Variants in KLHL29 observed in about 807,000 individuals in gnomAD.
KLHL29 encodes kelch-like protein 29.
KLHL29 carries 21 observed loss-of-function variants against 80.4 expected under a neutral mutation model. The observed-to-expected ratio is 0.26, with a 90% confidence interval of 0.19 to 0.38. The LOEUF (loss-of-function observed/expected upper bound fraction) is 0.38, where lower values mean the gene tolerates loss of function less well. Ranked by LOEUF, KLHL29 falls within the 10% of genes least tolerant of loss-of-function variation. The pLI, the probability that KLHL29 is intolerant of heterozygous loss-of-function variation, is 1.00. For synonymous variants in KLHL29, 511 were observed against 526.8 expected (o/e 0.97, Z 0.41); for missense variants, 867 against 1,223.9 (o/e 0.71, Z 4.35).
chr2:23,575,453 C>G (rs1413144963), intron 3 of KLHL29, among the ~76,000 whole-genome samples: 1 of 152,192 alleles, frequency 6.6e-6, no homozygotes, highest in Admixed American at 6.5e-5. Flanking sequence ...CTTGGGGTTG[C>G]TGCCAGCATC....
chr2:23,641,710 G>A (rs815356), intron 4 of KLHL29, among the ~76,000 whole-genome samples: 66,546 of 152,072 alleles, frequency 0.44, 14,855 homozygotes, highest in Middle Eastern at 0.54. Context: ...GAGGTCAGGC[G>A]TGGTGGCTCA....
intron 2 of KLHL29, among the ~76,000 whole-genome samples, chr2:23,533,831 C>G (rs937941957): frequency 2.0e-4 from 31 of 152,166 alleles, no homozygotes; most frequent in African/African-American, 7.5e-4. Context: ...TTTGTGAACC[C>G]GGTTTGGGCT....
intron 1 of KLHL29, among the ~76,000 whole-genome samples, chr2:23,414,248 TC>T (rs975515045): frequency 1.3e-5 from 2 of 152,126 alleles, no homozygotes; most frequent in Non-Finnish European, 2.9e-5. Context: ...GTGCAAAGCT[TC>T]CTGTGAGCTG....
At chr2:23,651,639 G>C (rs968218061) in intron 5 of KLHL29, among the ~76,000 whole-genome samples, 17 of 152,146 alleles carry the variant, frequency 1.1e-4, no homozygotes, top group Admixed American at 9.2e-4. Flanking sequence ...GCATCACACT[G>C]TAGATATTCT....
chr2:23,433,132 G>T (rs1663232239), intron 1 of KLHL29, among the ~76,000 whole-genome samples: 1 of 152,234 alleles, frequency 6.6e-6, no homozygotes, highest in East Asian at 1.9e-4. Flanking sequence ...GAGCACCCTT[G>T]GGTCAGCGAG....
chr2:23,466,002 T>C (rs1664341642), intron 1 of KLHL29, among the ~76,000 whole-genome samples: 1 of 151,768 alleles, frequency 6.6e-6, no homozygotes, highest in Non-Finnish European at 1.5e-5. Flanking sequence ...TTCATCTCAG[T>C]CCTCAGTCTG....
intron 2 of KLHL29, among the ~76,000 whole-genome samples, chr2:23,558,131 A>C (rs1242832489): frequency 6.6e-6 from 1 of 152,182 alleles, no homozygotes; most frequent in Non-Finnish European, 1.5e-5. Context: ...CAGGAGCCCA[A>C]CTTAACTGCA....
chr2:23,468,543 G>GC (rs1033492633), intron 1 of KLHL29, among the ~76,000 whole-genome samples: 34 of 152,104 alleles, frequency 2.2e-4, no homozygotes, highest in Non-Finnish European at 3.8e-4. Flanking sequence ...AAGAGACACC[G>GC]CCCCCCTCCC....
At chr2:23,514,696 A>G (rs1410647334) in intron 2 of KLHL29, among the ~76,000 whole-genome samples, 5 of 152,168 alleles carry the variant, frequency 3.3e-5, no homozygotes, top group Non-Finnish European at 7.3e-5. Flanking sequence ...CACCGTTAGG[A>G]AGAAGGTCAG....
At chr2:23,676,774 G>T (rs1449397841) in intron 5 of KLHL29, among the ~76,000 whole-genome samples, 7 of 152,226 alleles carry the variant, frequency 4.6e-5, no homozygotes, top group Non-Finnish European at 1.0e-4. Context: ...AGAGTTGGGG[G>T]ATGCGTGGAA....
intron 2 of KLHL29, among the ~76,000 whole-genome samples, chr2:23,536,890 T>A (rs4665605): frequency 9.8e-5 from 14 of 143,222 alleles, no homozygotes; most frequent in East Asian, 2.2e-4. Flanking sequence ...AAGACAGATC[T>A]CACACACACA....
intron 1 of KLHL29, among the ~76,000 whole-genome samples, chr2:23,398,964 G>T (rs985279446): frequency 2.0e-5 from 3 of 152,184 alleles, no homozygotes; most frequent in Admixed American, 6.5e-5. Context: ...TTTTTCATCT[G>T]CACTGCCAAG....
At chr2:23,477,821 C>G (rs1426807228) in intron 2 of KLHL29, among the ~76,000 whole-genome samples, 2 of 152,198 alleles carry the variant, frequency 1.3e-5, no homozygotes, top group Non-Finnish European at 2.9e-5. Context: ...GCCAGCTCTC[C>G]TTGGATGCAC....
intron 2 of KLHL29, among the ~76,000 whole-genome samples, chr2:23,553,404 A>C (rs892127878): frequency 1.3e-5 from 2 of 152,242 alleles, no homozygotes; most frequent in Admixed American, 1.3e-4. Flanking sequence ...GTGGAACAGG[A>C]GAAGGCTGGC....
chr2:23,585,676 G>A (rs1484407263), intron 3 of KLHL29, among the ~76,000 whole-genome samples: 2 of 151,982 alleles, frequency 1.3e-5, no homozygotes, highest in East Asian at 3.9e-4. Context: ...CTGCCAGCCT[G>A]CCCAGATTTT....
intron 1 of KLHL29, among the ~76,000 whole-genome samples, chr2:23,441,254 T>C (rs903116508): frequency 7.0e-6 from 1 of 142,792 alleles, no homozygotes; most frequent in Admixed American, 7.7e-5. Flanking sequence ...CCGCATGTTC[T>C]CACTCATAGG....
At chr2:23,643,118 G>A (rs1184921335) in intron 5 of KLHL29, 2 of 609,022 alleles carry the variant, frequency 3.3e-6, no homozygotes, top group Non-Finnish European at 3.0e-6. Context: ...AAAGCCCAGA[G>A]CCCGTCCCCC....
intron 1 of KLHL29, among the ~76,000 whole-genome samples, chr2:23,413,061 C>T (rs1198541567): frequency 6.6e-6 from 1 of 152,182 alleles, no homozygotes; most frequent in African/African-American, 2.4e-5. Context: ...AAAATGCCTG[C>T]AGTTCTCTAT....
At chr2:23,410,443 G>A (rs1359141363) in intron 1 of KLHL29, among the ~76,000 whole-genome samples, 2 of 152,106 alleles carry the variant, frequency 1.3e-5, no homozygotes, top group Non-Finnish European at 2.9e-5. Flanking sequence ...GAAGGGGTCA[G>A]GTATATTGGA....
Sources: allele counts gnomAD v4.1 joint callset (sites outside exome capture counted in the v4.1 genomes callset), GRCh38; gene constraint gnomAD v4.1.1; transcripts MANE v1.5; gene names NCBI Gene and HGNC (gene_info 2026-07-23, HGNC 2026-07-21).